Variants in LRP1B observed in about 807,000 individuals in gnomAD.
The protein encoded by LRP1B is LDL receptor related protein 1B, also known as low-density lipoprotein receptor-related protein 1B.
Under a neutral mutation model 556.6 loss-of-function variants are expected in LRP1B, and 217 were observed. That is an observed-to-expected ratio of 0.39 (90% confidence interval 0.35 to 0.44). The LOEUF (loss-of-function observed/expected upper bound fraction) is 0.44, where lower values mean the gene tolerates loss of function less well. Among genes scored for constraint, LRP1B ranks in the 20% least tolerant of loss-of-function variants. The pLI, the probability that LRP1B is intolerant of heterozygous loss-of-function variation, is 1.00. For missense variants in LRP1B, 5,053 were observed against 5,620.8 expected, an observed-to-expected ratio of 0.90 and a Z score of 3.23; for synonymous variants, 2,047 against 1,865.8, an observed-to-expected ratio of 1.10 and a Z score of -2.50.
intron 66 of LRP1B, among the ~76,000 whole-genome samples, chr2:140,424,018 C>T (rs1264808058): frequency 6.6e-6 from 1 of 152,044 alleles, no homozygotes; most frequent in African/African-American, 2.4e-5. Context: ...AAATGAATAA[C>T]ACTATTTTTG....
intron 25 of LRP1B, among the ~76,000 whole-genome samples, chr2:140,868,568 T>C (rs1157416977): frequency 1.3e-5 from 2 of 152,050 alleles, no homozygotes; most frequent in Non-Finnish European, 2.9e-5. Context: ...ATATTTATAC[T>C]AAAACTGAAG....
At chr2:140,820,614 CT>C (rs200120339) in intron 31 of LRP1B, among the ~76,000 whole-genome samples, 1,955 of 152,128 alleles carry the variant, frequency 0.013, 24 homozygotes, top group Middle Eastern at 0.034. Flanking sequence ...TAAGTGTTTT[CT>C]TTTAAAAGCA....
intron 20 of LRP1B, among the ~76,000 whole-genome samples, chr2:140,927,918 T>A (rs555057286): frequency 2.6e-5 from 4 of 152,022 alleles, no homozygotes; most frequent in African/African-American, 9.6e-5. Context: ...ATTTATTTTT[T>A]GTATTTTTGT....
chr2:140,553,987 C>T (rs931440217), intron 43 of LRP1B, among the ~76,000 whole-genome samples: 4 of 151,822 alleles, frequency 2.6e-5, no homozygotes, highest in African/African-American at 9.7e-5. Flanking sequence ...TGGGGAAGCC[C>T]CTGGAGGAAG....
At chr2:141,871,241 T>C (rs1698577592) in intron 1 of LRP1B, among the ~76,000 whole-genome samples, 1 of 151,992 alleles carries the variant, frequency 6.6e-6, no homozygotes, top group Non-Finnish European at 1.5e-5. Context: ...TGTGTTTCAA[T>C]TTTGACACCT....
intron 15 of LRP1B, among the ~76,000 whole-genome samples, chr2:141,003,777 TAC>T (rs1697491787): frequency 6.6e-6 from 1 of 152,022 alleles, no homozygotes; most frequent in Admixed American, 6.6e-5. Flanking sequence ...GTACCTTCCT[TAC>T]ACAGTTTTTG....
chr2:141,483,877 G>A (rs1047144421), intron 2 of LRP1B, among the ~76,000 whole-genome samples: 10 of 150,056 alleles, frequency 6.7e-5, no homozygotes, highest in African/African-American at 7.3e-5. Context: ...TTTGTCAGAT[G>A]AGTAGGTTGC....
chr2:141,580,329 G>A (rs1253644835), intron 2 of LRP1B, among the ~76,000 whole-genome samples: 2 of 152,078 alleles, frequency 1.3e-5, no homozygotes, highest in African/African-American at 4.8e-5. Flanking sequence ...AATTACAATG[G>A]CAACTTCTTG....
At chr2:141,266,281 G>A (rs1044204075) in intron 3 of LRP1B, among the ~76,000 whole-genome samples, 22 of 143,394 alleles carry the variant, frequency 1.5e-4, no homozygotes, top group African/African-American at 3.4e-4. Context: ...CAGAGATTGC[G>A]CCACTGTACT....
At chr2:141,761,921 G>A (rs1405096207) in intron 2 of LRP1B, among the ~76,000 whole-genome samples, 1 of 152,096 alleles carries the variant, frequency 6.6e-6, no homozygotes, top group Non-Finnish European at 1.5e-5. Context: ...AGTTTGCTCA[G>A]TGCTCCAGGA....
intron 7 of LRP1B, among the ~76,000 whole-genome samples, chr2:141,148,393 C>A (rs77333965): frequency 4.6e-5 from 7 of 152,234 alleles, no homozygotes; most frequent in Non-Finnish European, 1.0e-4. Context: ...TCCAAAGAAT[C>A]CTGGGGAATT....
At chr2:141,093,385 T>A (rs1700218838) in intron 7 of LRP1B, among the ~76,000 whole-genome samples, 1 of 152,042 alleles carries the variant, frequency 6.6e-6, no homozygotes, top group African/African-American at 2.4e-5. Context: ...AGGTGAAGGA[T>A]TGAGAAGGAA....
chr2:141,173,161 G>A (rs1558910336), intron 7 of LRP1B, among the ~76,000 whole-genome samples: 3 of 151,234 alleles, frequency 2.0e-5, no homozygotes, highest in Non-Finnish European at 2.9e-5. Flanking sequence ...TGCCATCTTT[G>A]TCATCATCAT....
At chr2:141,628,262 G>A (rs1405688743) in intron 2 of LRP1B, among the ~76,000 whole-genome samples, 3 of 152,062 alleles carry the variant, frequency 2.0e-5, no homozygotes, top group Non-Finnish European at 4.4e-5. Context: ...TTCCTTTTGT[G>A]CTTGATTTGA....
At chr2:140,348,144 T>C (rs1338683780) in intron 77 of LRP1B, among the ~76,000 whole-genome samples, 1 of 152,014 alleles carries the variant, frequency 6.6e-6, no homozygotes, top group Non-Finnish European at 1.5e-5. Flanking sequence ...ACTTCAATAT[T>C]ACAGTTGTTT....
Position 141,037,260 on chromosome 2 carries a change from A to G in LRP1B, c.1789+11726T>C, listed in dbSNP as rs143739967. 2.0e-3 allele frequency among the ~76,000 whole-genome samples: 301 copies of G among 152,222 alleles called. 2 individuals carry two copies. The highest frequency in any genetic ancestry group is 7.0e-3 in the African/African-American group (290 of 41,566). On this transcript the variant is annotated intron_variant, in intron 11 of 90. Coordinates refer to ENST00000389484, the MANE Select transcript of LRP1B (RefSeq NM_018557.3). ...GCTCCGTAAAGGTAATTATAACAAA[A>G]ACAAAACCCAAATCCAGCCTATTTG...
At position 141,609,611 on chromosome 2, in the gene LRP1B, C is replaced by G. The variant is rs369844460; in HGVS notation, c.206-129078G>C. Among the ~76,000 whole-genome samples the G allele has an allele frequency of 4.1e-4, 62 of 152,272 alleles. 1 individual carries two copies. In the South Asian group the frequency reaches 5.2e-3, roughly 13 times the overall value. On this transcript the variant is annotated intron_variant, in intron 2 of 90. Transcript: ENST00000389484. ...AATCATGACTGTATTTAACAATCAG[C>G]ACTCACAATTCATAAAAATTTAACA... is the stretch of plus-strand genomic sequence containing the variant.
intron 1 of LRP1B, among the ~76,000 whole-genome samples, chr2:142,050,700 A>T (rs1704424741): frequency 6.6e-6 from 1 of 152,164 alleles, no homozygotes; most frequent in African/African-American, 2.4e-5. Context: ...AGTAGCTTAT[A>T]TGAAGTAAAA....
intron 2 of LRP1B, among the ~76,000 whole-genome samples, chr2:141,546,265 G>T (rs972906537): frequency 6.6e-6 from 1 of 152,102 alleles, no homozygotes; most frequent in African/African-American, 2.4e-5. Context: ...TCTGCTGGGG[G>T]AGGCATGTAG....
Sources: allele counts gnomAD v4.1 joint callset (sites outside exome capture counted in the v4.1 genomes callset), GRCh38; gene constraint gnomAD v4.1.1; transcripts MANE v1.5; gene names NCBI Gene and HGNC (gene_info 2026-07-23, HGNC 2026-07-21).